UBE3C: variants seen among roughly 807,000 people sequenced by gnomAD.
UBE3C encodes the protein ubiquitin protein ligase E3C.
In UBE3C, 42 loss-of-function variants were observed where a neutral mutation model predicts 129.4. That is an observed-to-expected ratio of 0.32 (90% confidence interval 0.25 to 0.42). UBE3C has a LOEUF of 0.42. Ranked by LOEUF, UBE3C falls within the 10% of genes least tolerant of loss-of-function variation. The pLI, the probability that UBE3C is intolerant of heterozygous loss-of-function variation, is 1.00. For missense variants in UBE3C, 1,049 were observed against 1,319.1 expected (o/e 0.80, Z 3.17); for synonymous variants, 510 against 492.4 (o/e 1.04, Z -0.47).
chr7:157,185,627 C>G (rs1170024284), intron 9 of UBE3C, among the ~76,000 whole-genome samples: 3 of 152,086 alleles, frequency 2.0e-5, no homozygotes, highest in Non-Finnish European at 4.4e-5. Context: ...TTATATAAAA[C>G]CTAATGTGAT....
intron 18 of UBE3C, among the ~76,000 whole-genome samples, chr7:157,234,271 AC>A (rs1394738181): frequency 6.6e-6 from 1 of 152,214 alleles, no homozygotes; most frequent in Non-Finnish European, 1.5e-5. Flanking sequence ...AAAGATTTAC[AC>A]CTGTATGTTC....
intron 10 of UBE3C, among the ~76,000 whole-genome samples, chr7:157,188,776 G>A (rs889133268): frequency 8.6e-5 from 13 of 151,050 alleles, no homozygotes; most frequent in African/African-American, 3.2e-4. Context: ...TACTCTAACT[G>A]TTACAGATTT....
intron 18 of UBE3C, among the ~76,000 whole-genome samples, chr7:157,246,097 A>G (rs1428755671): frequency 1.3e-5 from 2 of 152,058 alleles, no homozygotes; most frequent in African/African-American, 4.8e-5. Flanking sequence ...AAACCTCAAC[A>G]GCTATTTTCT....
rs181431157 is a variant in UBE3C, at chr7:157,247,650, C to T, written c.2482-718C>T. Among the ~76,000 whole-genome samples the T allele has an allele frequency of 3.4e-3, 515 of 151,956 alleles. 4 individuals are homozygous for T. Among genetic ancestry groups the T allele is most frequent in the African/African-American group, 0.012 (492 of 41,454 alleles). ...GAGGTTGCAGTGAGCTGAGATCGCG[C>T]GGCTGCACTCCAGCCTGGGCAACAG... On this transcript the variant is annotated intron_variant, in intron 18 of 22. Transcript: ENST00000348165.
At chr7:157,141,293 C>G (rs1262206365) in intron 1 of UBE3C, among the ~76,000 whole-genome samples, 1 of 152,154 alleles carries the variant, frequency 6.6e-6, no homozygotes, top group Non-Finnish European at 1.5e-5. Flanking sequence ...AGATGGAACA[C>G]CACTCACATC....
intron 10 of UBE3C, among the ~76,000 whole-genome samples, chr7:157,192,041 TA>T (rs748151685): frequency 7.7e-4 from 117 of 152,382 alleles, no homozygotes; most frequent in Non-Finnish European, 1.4e-3. Context: ...ATAGTGATCT[TA>T]AAATTAAATG....
At chr7:157,253,854 C>T in intron 19 of UBE3C, 100 bp from the exon 20 acceptor site, 4 of 1,137,320 alleles carry the variant, frequency 3.5e-6, no homozygotes, top group Non-Finnish European at 4.9e-6. Context: ...GTTCACAAAG[C>T]ATCAAGTCCT....
At chr7:157,220,512 G>T (rs1007769687) in intron 14 of UBE3C, among the ~76,000 whole-genome samples, 177 bp from the exon 15 acceptor site, 1 of 152,212 alleles carries the variant, frequency 6.6e-6, no homozygotes, top group African/African-American at 2.4e-5. Context: ...TGAAAGGACA[G>T]CTAGCATGAG....
At chr7:157,244,711 C>T (rs775488721) in intron 18 of UBE3C, among the ~76,000 whole-genome samples, 50 of 152,168 alleles carry the variant, frequency 3.3e-4, no homozygotes, top group African/African-American at 9.2e-4. Context: ...AATTGCGTCG[C>T]GACTGCACTC....
In UBE3C at chr7:157,207,628, T is replaced by C. The variant is rs536486646; in HGVS notation, c.1576+73T>C. 2.9e-5 allele frequency: 46 copies of C among 1,585,026 alleles called. No homozygotes were observed. In the African/African-American group the frequency reaches 5.9e-4, roughly 20 times the overall value. ...GTTTTCATAGACAGTAGAAAAGTTT[T>C]AAGCTTTTTAAGTCTTTCAGTGTGT... On this transcript the variant is annotated intron_variant, in intron 12 of 22. Coordinates refer to ENST00000348165, the MANE Select transcript of UBE3C (RefSeq NM_014671.3).
rs374640473 is a variant in UBE3C at position 157,225,357 on chromosome 7, G to T, written c.2101-50G>T. The T allele has an allele frequency of 5.9e-4, 931 of 1,565,350 alleles. 1 individual carries two copies. Among genetic ancestry groups the T allele is most frequent in the Non-Finnish European group, 7.7e-4 (894 of 1,166,696 alleles). The stretch of plus-strand genomic sequence containing the variant: ...TTAGCAGTTTATTCTTTGGTAGGTT[G>T]TAAGAGGTCTTTTGTTTCTAATAAC... On this transcript the variant is annotated intron_variant, in intron 16 of 22. Transcript: ENST00000348165.
chr7:157,199,660 G>A (rs1314471764), intron 10 of UBE3C, among the ~76,000 whole-genome samples: 1 of 151,634 alleles, frequency 6.6e-6, no homozygotes. Context: ...TAGTAGAGAC[G>A]GGGTTTCACC....
At chr7:157,188,464 G>A (rs372438226) in intron 10 of UBE3C, among the ~76,000 whole-genome samples, 10 of 152,292 alleles carry the variant, frequency 6.6e-5, no homozygotes, top group East Asian at 5.8e-4. Context: ...GCTCTTTGCC[G>A]GCTAATTGCA....
Position 157,142,322 on chromosome 7 carries a change from C to A in UBE3C, c.66+2984C>A, listed in dbSNP as rs191046530. Among the ~76,000 whole-genome samples, 409 of 152,088 alleles carry A rather than the reference C, an allele frequency of 2.7e-3. 4 individuals carry two copies. The highest frequency in any genetic ancestry group is 9.6e-3 in the African/African-American group (400 of 41,514). On this transcript the variant is annotated intron_variant, in intron 1 of 22. Transcript: ENST00000348165. ...CCTTTGAATAAGCTTTTTCTTTTTT[C>A]AAATTAAATACTTTTAGTATTTATT...
At chr7:157,196,151 G>T (rs1809114653) in intron 10 of UBE3C, among the ~76,000 whole-genome samples, 1 of 152,160 alleles carries the variant, frequency 6.6e-6, no homozygotes, top group Non-Finnish European at 1.5e-5. Flanking sequence ...AAGATAGAAG[G>T]CCGCAAGCCA....
At chr7:157,253,459 C>T (rs1192951982) in intron 19 of UBE3C, among the ~76,000 whole-genome samples, 1 of 152,214 alleles carries the variant, frequency 6.6e-6, no homozygotes, top group Non-Finnish European at 1.5e-5. Flanking sequence ...GTTACCACCA[C>T]CCTTTGTATC....
At position 157,248,837 on chromosome 7, in the gene UBE3C, T is replaced by C. The variant is rs530769074; in HGVS notation, c.2694+257T>C. Among the ~76,000 whole-genome samples the C allele has an allele frequency of 6.4e-4, 97 of 152,286 alleles. No individual in the cohort carries two copies. In the Middle Eastern group the frequency reaches 0.01, roughly 16 times the overall value. The stretch of plus-strand genomic sequence containing the variant: ...TCCTGCGGAGCTCCACTCTCGAGGC[T>C]GCGGCCCAGGCTTGCTGCTTGTCTG... On this transcript the variant is annotated intron_variant, in intron 19 of 22. Transcript: ENST00000348165.
intron 1 of UBE3C, among the ~76,000 whole-genome samples, chr7:157,154,778 G>C (rs148732363): frequency 2.0e-5 from 3 of 152,168 alleles, no homozygotes. Context: ...AGAAGGAGTG[G>C]AGAAGGAACA....
chr7:157,237,800 C>T lies in UBE3C; in HGVS notation c.2481+6473C>T, dbSNP rs183359462. The stretch of plus-strand genomic sequence containing the variant: ...GTAGCTCATACCTGTAGTCCCAGCA[C>T]TTTGGGAGGCCGAGGTGGGAAGAAC... On this transcript the variant is annotated intron_variant, in intron 18 of 22. Transcript: ENST00000348165. Among the ~76,000 whole-genome samples, 1,134 of 152,054 alleles carry T rather than the reference C, an allele frequency of 7.5e-3. 6 individuals are homozygous for T. The highest frequency in any genetic ancestry group is 0.012 in the Non-Finnish European group (803 of 68,006).
Sources: gnomAD v4.1 joint callset for allele counts (sites outside exome capture counted in the v4.1 genomes callset) on GRCh38, gnomAD v4.1.1 for gene constraint, MANE v1.5 for transcripts, NCBI Gene and HGNC (gene_info 2026-07-23, HGNC 2026-07-21) for gene names.